The following SLC9A1 variants were observed in gnomAD, a reference collection of about 807,000 sequenced individuals.
The protein encoded by SLC9A1 is solute carrier family 9 member A1, also known as sodium/hydrogen exchanger 1.
In SLC9A1, 22 loss-of-function variants were observed where a neutral mutation model predicts 67.9. The observed-to-expected ratio is 0.32, with a 90% CI of 0.23 to 0.46. The LOEUF (loss-of-function observed/expected upper bound fraction) is 0.46, where lower values mean the gene tolerates loss of function less well. SLC9A1 is among the 20% of genes least tolerant of loss of function. SLC9A1 has a pLI of 1.00. For synonymous variants in SLC9A1, 421 were observed against 471.8 expected, an observed-to-expected ratio of 0.89 and a Z score of 1.40; for missense variants, 686 against 1,094.8, an observed-to-expected ratio of 0.63 and a Z score of 5.27.
chr1:27,153,911 A>C, intron 1 of SLC9A1, 72 bp downstream of exon 1: 1 of 1,028,626 alleles, frequency 9.7e-7, no homozygotes, highest in Non-Finnish European at 1.4e-6. Context: ...GGACAGCCTC[A>C]AATGGTGCGA....
At chr1:27,142,998 G>A (rs1205550356) in intron 1 of SLC9A1, among the ~76,000 whole-genome samples, 1 of 136,316 alleles carries the variant, frequency 7.3e-6, no homozygotes, top group Non-Finnish European at 1.5e-5. Context: ...AAAGGCAGAA[G>A]CTCTTAACCT....
chr1:27,126,478 C>T (rs1407828068), intron 1 of SLC9A1, among the ~76,000 whole-genome samples: 1 of 152,184 alleles, frequency 6.6e-6, no homozygotes, highest in South Asian at 2.1e-4. Flanking sequence ...AGCCACTCTT[C>T]CAAGGTGCTG....
chr1:27,123,477 A>T (rs2083318788), intron 1 of SLC9A1, among the ~76,000 whole-genome samples: 1 of 151,878 alleles, frequency 6.6e-6, no homozygotes, highest in South Asian at 2.1e-4. Context: ...TGCAGTAGGT[A>T]TAATTATTAT....
intron 1 of SLC9A1, among the ~76,000 whole-genome samples, chr1:27,136,039 T>C (rs1247282037): frequency 6.6e-6 from 1 of 152,246 alleles, no homozygotes; most frequent in Admixed American, 6.5e-5. Context: ...TGTTGGACTC[T>C]GCAGTCTCTA....
chr1:27,116,376 C>T (rs527989050), intron 1 of SLC9A1, among the ~76,000 whole-genome samples: 3 of 152,086 alleles, frequency 2.0e-5, no homozygotes, highest in African/African-American at 7.2e-5. Flanking sequence ...CAGAGCAAGA[C>T]TCCATCTTGA....
In SLC9A1 at chr1:27,106,198, C is replaced by T; in HGVS notation, c.1283-111G>A. 1 of 705,192 alleles carries T rather than the reference C, an allele frequency of 1.4e-6. No individual in the cohort carries two copies. The highest frequency in any genetic ancestry group is 1.8e-5 in the South Asian group (1 of 55,754). 43.7% of individuals were successfully genotyped at this position (705,192 alleles called of 1,614,324 possible). ...ATCCAGGAAGTCTCCATTACGAAGC[C>T]CACCCCGCTCACTCAATTCCTGGGT... On this transcript the variant is annotated intron_variant, in intron 4 of 11. Coordinates refer to ENST00000263980, the MANE Select transcript of SLC9A1 (RefSeq NM_003047.5). The surrounding 1 kb of genome is among the most constrained non-coding windows in gnomAD (Gnocchi z 4.3).
rs564637702 is a variant in SLC9A1, at chr1:27,108,360, C to T, written c.1065-495G>A. Among the ~76,000 whole-genome samples, 44 of 147,244 alleles carry T rather than the reference C, an allele frequency of 3.0e-4. 1 individual carries two copies. The South Asian group carries it at 7.7e-3, about 26-fold the overall frequency. ...GGATTACAGGCGACGAGCGCATGCC[C>T]GGCCCTATTCCTCCATTTTTAAAAT... On this transcript the variant is annotated intron_variant, in intron 3 of 11. Coordinates refer to ENST00000263980, the MANE Select transcript of SLC9A1 (RefSeq NM_003047.5).
At chr1:27,129,863 C>T (rs2083373219) in intron 1 of SLC9A1, among the ~76,000 whole-genome samples, 1 of 152,188 alleles carries the variant, frequency 6.6e-6, no homozygotes, top group South Asian at 2.1e-4. Flanking sequence ...TAGCAGCCCT[C>T]TGACACAGGG....
chr1:27,135,504 T>A (rs2083414345), intron 1 of SLC9A1, among the ~76,000 whole-genome samples: 1 of 147,678 alleles, frequency 6.8e-6, no homozygotes, highest in Non-Finnish European at 1.5e-5. Context: ...GATTTTTTTT[T>A]TTATTTCTTC....
rs901522087 is a variant in SLC9A1, at chr1:27,101,360, C to T, written c.2038-85G>A. On this transcript the variant is annotated intron_variant, in intron 10 of 11. Coordinates refer to ENST00000263980, the MANE Select transcript of SLC9A1 (RefSeq NM_003047.5). This position sits in a 1 kb window ranked among gnomAD's most constrained non-coding sequence, Gnocchi z 4.9. ...CAGAACCCGGCCAGTGCACACCCCACCTTTCGTATATGCAGGGCGCTTGCT... is the reference window on the plus strand; with the variant it reads ...CAGAACCCGGCCAGTGCACACCCCATCTTTCGTATATGCAGGGCGCTTGCT... The T allele has an allele frequency of 1.6e-5, 17 of 1,053,068 alleles. No individual in the cohort carries two copies. In the East Asian group the frequency reaches 4.1e-4, roughly 26 times the overall value. The allele number at this position is 1,053,068 out of a possible 1,614,324, so 65.2% of individuals were successfully genotyped here. A position where few individuals can be genotyped will look rare whatever the true frequency, so the allele number is the denominator to read the frequency against.
At chr1:27,117,691 C>T (rs2083280527) in intron 1 of SLC9A1, among the ~76,000 whole-genome samples, 1 of 152,160 alleles carries the variant, frequency 6.6e-6, no homozygotes, top group African/African-American at 2.4e-5. Context: ...ATTCAGTCCT[C>T]ACCACAGCCC....
At chr1:27,135,984 C>A (rs1419382040) in intron 1 of SLC9A1, among the ~76,000 whole-genome samples, 1 of 152,220 alleles carries the variant, frequency 6.6e-6, no homozygotes, top group Non-Finnish European at 1.5e-5. Flanking sequence ...AATCAGCCTA[C>A]AGGCATATAG....
At chr1:27,149,481 C>T (rs544464135) in intron 1 of SLC9A1, among the ~76,000 whole-genome samples, 10 of 152,194 alleles carry the variant, frequency 6.6e-5, no homozygotes, top group Non-Finnish European at 1.3e-4. Flanking sequence ...CACACACACC[C>T]GTTCAACACA....
Position 27,118,787 on chromosome 1 carries a change from C to T in SLC9A1, c.353-4501G>A, listed in dbSNP as rs2083287839. Among the ~76,000 whole-genome samples the T allele has an allele frequency of 1.3e-5, 2 of 152,134 alleles. No homozygotes were observed. Among genetic ancestry groups the T allele is most frequent in the Non-Finnish European group, 2.9e-5 (2 of 68,018 alleles). ...ATAGTCAGGGAAATGGAGACAGAGA[C>T]AGCCAGTGACCTGTCAATGATCACA... On this transcript the variant is annotated intron_variant, in intron 1 of 11. Coordinates refer to ENST00000263980, the MANE Select transcript of SLC9A1 (RefSeq NM_003047.5). This position sits in a 1 kb window ranked among gnomAD's most constrained non-coding sequence, Gnocchi z 4.3.
chr1:27,114,066 G>C lies in SLC9A1; in HGVS notation c.573C>G (p.Ile191Met). 6.2e-7 allele frequency: 1 copy of C among 1,614,192 alleles called. No individual in the cohort carries two copies. The highest frequency in any genetic ancestry group is 1.3e-5 in the African/African-American group (1 of 75,080). The change falls in exon 2 of 12, where the codon ATC (isoleucine) becomes ATG (methionine). Residue 191 changes from isoleucine (I) to methionine (M), a missense_variant. By Grantham distance (10) the Ile-to-Met change is conservative (BLOSUM62 1). Coordinates refer to ENST00000263980, the MANE Select transcript of SLC9A1 (RefSeq NM_003047.5). The surrounding 1 kb of genome is among the most constrained non-coding windows in gnomAD (Gnocchi z 5.4). ...QFTENLGTIL[I>M]FAVVGTLWNA... ...TCCACAGCGTGCCCACCACGGCAAA[G>C]ATCAGGATGGTGCCCAGGTTTTCTG...
rs575604180 is a variant in SLC9A1, at chr1:27,114,962, T to C, written c.353-676A>G. The stretch of plus-strand genomic sequence containing the variant: ...AGCTGCTCAAGACACGGCTCAAGGA[T>C]GTCAGTGGCAACCAGCTTTGGCAGG... On this transcript the variant is annotated intron_variant, in intron 1 of 11. Transcript: ENST00000263980. The surrounding 1 kb of genome is among the most constrained non-coding windows in gnomAD (Gnocchi z 5.4). Among the ~76,000 whole-genome samples the C allele has an allele frequency of 6.6e-6, 1 of 152,264 alleles. No homozygotes were observed. Among genetic ancestry groups the C allele is most frequent in the South Asian group, 2.1e-4 (1 of 4,824 alleles).
chr1:27,131,947 A>AAAAAATATATATAT, intron 1 of SLC9A1, among the ~76,000 whole-genome samples: 31 of 52,092 alleles, frequency 6.0e-4, no homozygotes, highest in African/African-American at 2.0e-3. Flanking sequence ...AGAAAAAAAA[A>AAAAAATATATATAT]ATATATATAT....
At chr1:27,144,680 T>C (rs2083471346) in intron 1 of SLC9A1, among the ~76,000 whole-genome samples, 1 of 152,142 alleles carries the variant, frequency 6.6e-6, no homozygotes, top group South Asian at 2.1e-4. Flanking sequence ...TCCCCAAATA[T>C]TTATGGAGCC....
chr1:27,105,813 T>C (rs1265861593), intron 5 of SLC9A1, 72 bp downstream of exon 5: 1 of 1,329,024 alleles, frequency 7.5e-7, no homozygotes, highest in South Asian at 1.2e-5. Context: ...AATCACACGC[T>C]TTCCTCTCTT....
Sources: gnomAD v4.1 joint callset for allele counts (sites outside exome capture counted in the v4.1 genomes callset) on GRCh38, gnomAD v4.1.1 for gene constraint, Gnocchi (gnomAD v3.1) non-coding constraint, MANE v1.5 for transcripts, NCBI Gene and HGNC (gene_info 2026-07-23, HGNC 2026-07-21) for gene names.